APOO: variants seen among roughly 807,000 people sequenced by gnomAD.
APOO encodes the protein MICOS complex subunit MIC26.
APOO carries 11 observed loss-of-function variants against 23.1 expected under a neutral mutation model. The observed-to-expected ratio is 0.48, with a 90% CI of 0.30 to 0.79. The LOEUF is 0.79. Among genes scored for constraint, APOO ranks in the 30% least tolerant of loss-of-function variants. The probability of loss-of-function intolerance (pLI) is 0.07; values close to 1 mark genes in which losing one functional copy is unlikely to be tolerated. For synonymous variants in APOO, 59 were observed against 54.8 expected (o/e 1.08, Z -0.34); for missense variants, 160 against 142.7 (o/e 1.12, Z -0.62).
Position 23,871,568 on chromosome X carries a change from AC to A in APOO, c.292+2834del, listed in dbSNP as rs1318405238. Among the ~76,000 whole-genome samples, 3 of 110,561 alleles carry A rather than the reference AC, an allele frequency of 2.7e-5. No homozygotes were observed. The East Asian group carries it at 8.5e-4, about 31-fold the overall frequency. On this transcript the variant is annotated intron_variant, in intron 4 of 8. Coordinates refer to ENST00000379226, the MANE Select transcript of APOO (RefSeq NM_024122.5). ...TGCAATGCCTGCTTCCAGCAGTCCC[AC>A]CCCCACATTTTGGAGTGGCTAACAC...
intron 5 of APOO, among the ~76,000 whole-genome samples, chrX:23,862,698 G>A (rs969827050): frequency 9.6e-6 from 1 of 104,432 alleles, no homozygotes; most frequent in Admixed American, 1.1e-4. Flanking sequence ...GCTTGAGCCT[G>A]AGGAGGTCAA....
intron 7 of APOO, among the ~76,000 whole-genome samples, chrX:23,849,282 T>C (rs950910311): frequency 1.8e-5 from 2 of 108,575 alleles, no homozygotes; most frequent in Non-Finnish European, 3.8e-5. Flanking sequence ...GGTCTAGGCA[T>C]TGAGCATCTA....
rs1480058869 is a variant in APOO, at chrX:23,907,782, G to A, written c.-80C>T. On this transcript the variant is annotated 5_prime_UTR_variant, in exon 1 of 9. Transcript: ENST00000379226. ...ATAGAGAGGTGACTACGGAGGCCCG[G>A]TAGGGCCTTGATTTCTCCAACCGCA... The A allele has an allele frequency of 2.8e-5, 29 of 1,053,192 alleles. No individual in the cohort carries two copies. Among genetic ancestry groups the A allele is most frequent in the Non-Finnish European group, 3.3e-5 (26 of 793,541 alleles). The allele number at this position is 1,053,192 out of a possible 1,213,427, so 86.8% of individuals were successfully genotyped here.
chrX:23,848,165 G>A (rs1373330244), intron 7 of APOO, among the ~76,000 whole-genome samples: 1 of 107,053 alleles, frequency 9.3e-6, no homozygotes, highest in Non-Finnish European at 1.9e-5. Flanking sequence ...GAGCCACCGC[G>A]TCTGGCCCTA....
chrX:23,868,901 C>A (rs919305456), intron 4 of APOO, among the ~76,000 whole-genome samples: 9 of 107,979 alleles, frequency 8.3e-5, no homozygotes, highest in African/African-American at 3.0e-4. Flanking sequence ...GTCCAATTTT[C>A]TTTTCTTTCT....
intron 5 of APOO, among the ~76,000 whole-genome samples, chrX:23,867,394 G>A (rs1925392592): frequency 9.0e-6 from 1 of 110,794 alleles, no homozygotes; most frequent in South Asian, 3.8e-4. Flanking sequence ...AAAGAGCCTG[G>A]CATCTCTCTA....
intron 5 of APOO, among the ~76,000 whole-genome samples, 158 bp downstream of exon 5, chrX:23,868,435 A>G (rs1229582831): frequency 8.9e-6 from 1 of 112,305 alleles, no homozygotes. Context: ...ATTTATGTTT[A>G]AAATCAAATA....
At chrX:23,883,445 G>A (rs1926234176) in intron 1 of APOO, 1 of 111,510 alleles carries the variant, frequency 9.0e-6, no homozygotes, top group African/African-American at 3.3e-5. Flanking sequence ...GGCGGTCAGA[G>A]GAGAGCCTGG....
At chrX:23,880,060 T>TG (rs1237273653) in intron 2 of APOO, among the ~76,000 whole-genome samples, 2 of 106,281 alleles carry the variant, frequency 1.9e-5, no homozygotes, top group African/African-American at 6.8e-5. Context: ...GATTTCTTGT[T>TG]TTTTTTTTTT....
intron 7 of APOO, 60 bp from the exon 8 acceptor site, chrX:23,840,437 G>C (rs1368926735): frequency 2.9e-6 from 3 of 1,021,218 alleles, no homozygotes; most frequent in African/African-American, 3.8e-5. Flanking sequence ...CAACTCCTTA[G>C]TGTCCTGAGT....
chrX:23,861,866 T>C (rs1393911281), intron 5 of APOO, among the ~76,000 whole-genome samples: 2 of 102,010 alleles, frequency 2.0e-5, no homozygotes, highest in Non-Finnish European at 3.9e-5. Context: ...TGCAGTGGCG[T>C]GATCTCAGCT....
rs374087516 is a variant in APOO at position 23,870,631 on chromosome X, A to T, written c.293-1943T>A. ...CGAAACCCTGTCTCTACAAAAAATTAAAAAAAAAAATTAGCCAGGTGTGGT... is the reference window on the plus strand; with the variant it reads ...CGAAACCCTGTCTCTACAAAAAATTTAAAAAAAAAATTAGCCAGGTGTGGT... On this transcript the variant is annotated intron_variant, in intron 4 of 8. Coordinates refer to ENST00000379226, the MANE Select transcript of APOO (RefSeq NM_024122.5). Among the ~76,000 whole-genome samples the T allele has an allele frequency of 1.0e-3, 102 of 102,510 alleles. 1 individual carries two copies. Among genetic ancestry groups the T allele is most frequent in the East Asian group, 4.1e-3 (14 of 3,378 alleles). The allele number at this position is 102,510 out of a possible 115,157, so 89.0% of individuals were successfully genotyped here.
intron 7 of APOO, among the ~76,000 whole-genome samples, chrX:23,855,931 G>A (rs961144113): frequency 8.9e-6 from 1 of 111,895 alleles, no homozygotes; most frequent in Admixed American, 9.6e-5. Flanking sequence ...AGAGGAAGAG[G>A]CTCTCAATTA....
At chrX:23,894,073 T>C (rs1926792767) in intron 1 of APOO, among the ~76,000 whole-genome samples, 2 of 111,608 alleles carry the variant, frequency 1.8e-5, no homozygotes, top group Admixed American at 1.9e-4. Flanking sequence ...TGATAAATCA[T>C]ATATGGAGTC....
In APOO at chrX:23,850,258, T is replaced by A. The variant is rs73485508; in HGVS notation, c.561+6044A>T. On this transcript the variant is annotated intron_variant, in intron 7 of 8. Coordinates refer to ENST00000379226, the MANE Select transcript of APOO (RefSeq NM_024122.5). ...TTCATTGTACTAGTCCTGCACCTGA[T>A]CTGTAGTTTTGAAATTTTCTCAAAA... Among the ~76,000 whole-genome samples, 346 of 112,398 alleles carry A rather than the reference T, an allele frequency of 3.1e-3. 1 individual carries two copies. The highest frequency in any genetic ancestry group is 0.01 in the African/African-American group (324 of 31,007).
intron 1 of APOO, among the ~76,000 whole-genome samples, chrX:23,895,133 C>T (rs1313580352): frequency 8.4e-5 from 9 of 106,752 alleles, no homozygotes; most frequent in Middle Eastern, 4.8e-3. Context: ...AGTGAGACTC[C>T]GCCTCAAAAA....
intron 1 of APOO, among the ~76,000 whole-genome samples, chrX:23,897,615 T>C (rs1410884313): frequency 8.9e-6 from 1 of 112,097 alleles, no homozygotes; most frequent in Non-Finnish European, 1.9e-5. Flanking sequence ...ACTTCAAGTT[T>C]AGCTTTTCAA....
At chrX:23,871,497 C>T (rs1252350281) in intron 4 of APOO, among the ~76,000 whole-genome samples, 1 of 111,648 alleles carries the variant, frequency 9.0e-6, no homozygotes, top group Non-Finnish European at 1.9e-5. Context: ...CCTCAAACAT[C>T]CAATACCAAG....
chrX:23,905,821 G>A (rs1029504924), intron 1 of APOO, among the ~76,000 whole-genome samples: 1 of 112,586 alleles, frequency 8.9e-6, no homozygotes, highest in African/African-American at 3.2e-5. Flanking sequence ...TAGTTCTGAA[G>A]TAGTAATGAG....
Sources: allele counts gnomAD v4.1 joint callset (sites outside exome capture counted in the v4.1 genomes callset), GRCh38; gene constraint gnomAD v4.1.1; transcripts MANE v1.5; gene names NCBI Gene and HGNC (gene_info 2026-07-23, HGNC 2026-07-21).